Variants in EHD4 observed in about 807,000 individuals in gnomAD.
EHD4 encodes EH domain containing 4, also known as EH domain-containing protein 4.
A neutral mutation model predicts 51.0 loss-of-function variants in EHD4; 37 were observed. That is an observed-to-expected ratio of 0.73 (90% CI 0.56 to 0.95). The LOEUF (loss-of-function observed/expected upper bound fraction) is 0.95, where lower values mean the gene tolerates loss of function less well. Among genes scored for constraint, EHD4 ranks in the 40% least tolerant of loss-of-function variants. The pLI is 0.00. For missense variants in EHD4, 632 were observed against 733.1 expected, an observed-to-expected ratio of 0.86 and a Z score of 1.59; for synonymous variants, 297 against 317.3, an observed-to-expected ratio of 0.94 and a Z score of 0.68.
intron 4 of EHD4, among the ~76,000 whole-genome samples, chr15:41,914,794 T>C (rs917659621): frequency 3.3e-5 from 5 of 151,468 alleles, no homozygotes; most frequent in African/African-American, 1.2e-4. Context: ...AATTTTTTTT[T>C]TTTTTTTTTG....
At position 41,962,660 on chromosome 15, in the gene EHD4, G is replaced by GCCC. The variant is rs2067932326; in HGVS notation, c.237-8721_237-8720insGGG. On this transcript the variant is annotated intron_variant, in intron 1 of 5. Coordinates refer to ENST00000220325, the MANE Select transcript of EHD4 (RefSeq NM_139265.4). ...AAAAGAGCGCCCGGCCAGCCGCCCC[G>GCCC]TCCGGGAGGGAGGCGGGGGGCAGCC... 5.9e-5 allele frequency among the ~76,000 whole-genome samples: 9 copies of GCCC among 152,008 alleles called. No individual in the cohort carries two copies. The South Asian group carries it at 1.9e-3, about 32-fold the overall frequency.
chr15:41,935,587 T>C (rs2067726608), intron 3 of EHD4, among the ~76,000 whole-genome samples: 1 of 152,176 alleles, frequency 6.6e-6, no homozygotes, highest in Non-Finnish European at 1.5e-5. Flanking sequence ...CATTTTCTCA[T>C]GGGGTTTGCT....
chr15:41,957,420 C>G (rs2067894879), intron 1 of EHD4, among the ~76,000 whole-genome samples: 1 of 152,096 alleles, frequency 6.6e-6, no homozygotes, highest in African/African-American at 2.4e-5. Flanking sequence ...GGGCCTGTTT[C>G]CTCTCCTCTC....
rs780627336 is a variant in EHD4 at position 41,909,798 on chromosome 15, C to G, written c.990G>C (p.Lys330Asn). Residue 330 changes from lysine (K) to asparagine (N), a missense_variant, in exon 5 of 6, where the codon AAG becomes AAC. By Grantham distance (94) the Lys-to-Asn change is moderately conservative. Coordinates refer to ENST00000220325, the MANE Select transcript of EHD4 (RefSeq NM_139265.4). ...EMPSVFGKEN[K>N]KRELISRLPE... is the part of the protein sequence containing the mutation. ...GTAGCCTGCTGATAAGCTCTCTCTT[C>G]TTGTTTTCCTTTCCAAATACACTTG... 1.9e-6 allele frequency: 3 copies of G among 1,614,228 alleles called. No homozygotes were observed. Among genetic ancestry groups the G allele is most frequent in the Non-Finnish European group, 1.7e-6 (2 of 1,180,048 alleles).
At chr15:41,946,338 G>A (rs1409732830) in intron 2 of EHD4, among the ~76,000 whole-genome samples, 6 of 152,122 alleles carry the variant, frequency 3.9e-5, no homozygotes, top group Admixed American at 6.5e-5. Context: ...TCCTCTCCAC[G>A]TCTAAGGAAG....
rs2067535939 is a variant in EHD4, at chr15:41,909,698, C to T, written c.1089+1G>A. The T allele has an allele frequency of 6.2e-7, 1 of 1,614,040 alleles. No individual in the cohort carries two copies. The highest frequency in any genetic ancestry group is 8.5e-7 in the Non-Finnish European group (1 of 1,180,018). On this transcript the variant is annotated splice_donor_variant, in intron 5 of 5. Coordinates refer to ENST00000220325, the MANE Select transcript of EHD4 (RefSeq NM_139265.4). LOFTEE classifies it high-confidence loss of function. ...GTGACATTGTAGTGGGCTCCCAGTA[C>T]CTGCATAGCCTTGACCTCAGGGAAG...
intron 5 of EHD4, among the ~76,000 whole-genome samples, chr15:41,903,747 G>T (rs995866345): frequency 2.6e-5 from 4 of 152,066 alleles, no homozygotes; most frequent in African/African-American, 9.7e-5. Context: ...TAGTTGGTGG[G>T]GGGACAGAGC....
At chr15:41,919,853 G>C (rs2067613350) in intron 3 of EHD4, among the ~76,000 whole-genome samples, 1 of 152,188 alleles carries the variant, frequency 6.6e-6, no homozygotes, top group Admixed American at 6.5e-5. Flanking sequence ...GGGGCTCATG[G>C]TCACTTTGGG....
chr15:41,931,866 A>G (rs12911456), intron 3 of EHD4, among the ~76,000 whole-genome samples: 3 of 151,970 alleles, frequency 2.0e-5, no homozygotes, highest in Admixed American at 6.6e-5. Flanking sequence ...TAGTAGAGAC[A>G]GGGTTTCACC....
rs1015540703 is a variant in EHD4 at position 41,900,316 on chromosome 15, C to T, written c.*329G>A. 4 of 323,996 alleles carry T rather than the reference C, an allele frequency of 1.2e-5. No homozygotes were observed. The highest frequency in any genetic ancestry group is 8.5e-5 in the African/African-American group (4 of 47,160). The allele number at this position is 323,996 out of a possible 1,614,324, so 20.1% of individuals were successfully genotyped here. A position where few individuals can be genotyped will look rare whatever the true frequency, so the allele number is the denominator to read the frequency against. Reference sequence around the variant, plus strand: ...GCTGCTCTGGGTGAGCCTTAGCTCACTTCCTGTGGTTCCTGGGACTTACCA... The same window carrying T: ...GCTGCTCTGGGTGAGCCTTAGCTCATTTCCTGTGGTTCCTGGGACTTACCA... On this transcript the variant is annotated 3_prime_UTR_variant, in exon 6 of 6. Transcript: ENST00000220325. This position sits in a 1 kb window ranked among gnomAD's most constrained non-coding sequence, Gnocchi z 4.8.
intron 4 of EHD4, among the ~76,000 whole-genome samples, chr15:41,914,323 AT>A (rs1186275348): frequency 1.3e-5 from 2 of 151,610 alleles, no homozygotes; most frequent in African/African-American, 2.4e-5. Context: ...TGCATAGAGT[AT>A]TTAAAGCCAG....
chr15:41,964,946 A>AT (rs955273531), intron 1 of EHD4, among the ~76,000 whole-genome samples: 9 of 149,762 alleles, frequency 6.0e-5, no homozygotes, highest in Non-Finnish European at 1.2e-4. Context: ...TAATTTTTGT[A>AT]TTTTTTTTTA....
At position 41,900,798 on chromosome 15, in the gene EHD4, G is replaced by A. The variant is rs138964472; in HGVS notation, c.1473C>T (p.Ala491=). 4.1e-4 allele frequency: 658 copies of A among 1,614,128 alleles called. 5 individuals are homozygous for A. In the East Asian group the frequency reaches 0.014, roughly 34 times the overall value. Residue 491 remains alanine, a synonymous_variant, in exon 6 of 6, where the codon GCC becomes GCT. Transcript: ENST00000220325. The surrounding 1 kb of genome is among the most constrained non-coding windows in gnomAD (Gnocchi z 4.8). ...CAAGCATGCCGTCGCAGTCGCAGTCGGCCAGCTTCCAGATCTTGCCCAGGA... is the reference window on the plus strand; with the variant it reads ...CAAGCATGCCGTCGCAGTCGCAGTCAGCCAGCTTCCAGATCTTGCCCAGGA... ...NSVLGKIWKL[A]DCDCDGMLDE... is the part of the protein sequence containing the mutation.
chr15:41,900,698 G>A lies in EHD4; in HGVS notation c.1573C>T (p.Pro525Ser). The change falls in exon 6 of 6, where the codon CCC becomes TCC. Residue 525 changes from proline (P) to serine (S), a missense_variant. By Grantham distance (74) the Pro-to-Ser change is moderately conservative (BLOSUM62 -1). Coordinates refer to ENST00000220325, the MANE Select transcript of EHD4 (RefSeq NM_139265.4). The surrounding 1 kb of genome is among the most constrained non-coding windows in gnomAD (Gnocchi z 4.8). ...LDGYELPSSLPPHLVPPSHRK... is the reference protein window; with the variant it reads ...LDGYELPSSLSPHLVPPSHRK... ...TGCGAGGGGGGCACGAGGTGGGGGGGCAGGCTGCTGGGCAGCTCGTAGCCG... is the reference window on the plus strand; with the variant it reads ...TGCGAGGGGGGCACGAGGTGGGGGGACAGGCTGCTGGGCAGCTCGTAGCCG... The A allele has an allele frequency of 6.2e-7, 1 of 1,606,686 alleles. No homozygotes were observed.
At position 41,899,174 on chromosome 15, in the gene EHD4, C is replaced by T. The variant is rs2140979428; in HGVS notation, c.*1471G>A. On this transcript the variant is annotated 3_prime_UTR_variant, in exon 6 of 6. Transcript: ENST00000220325. ...CCATGTGGCCATTGCTGTTTCGTGTCTCTTCCTGCATAAATAATGCAGAGA... is the reference window on the plus strand; with the variant it reads ...CCATGTGGCCATTGCTGTTTCGTGTTTCTTCCTGCATAAATAATGCAGAGA... 6.6e-6 allele frequency: 1 copy of T among 152,296 alleles called. No individual in the cohort carries two copies. The highest frequency in any genetic ancestry group is 2.4e-5 in the African/African-American group (1 of 41,554). The allele number at this position is 152,296 out of a possible 1,614,324, so 9.4% of individuals were successfully genotyped here. A position where few individuals can be genotyped will look rare whatever the true frequency, so the allele number is the denominator to read the frequency against.
intron 3 of EHD4, among the ~76,000 whole-genome samples, chr15:41,936,885 C>T (rs1340749075): frequency 6.6e-6 from 1 of 152,190 alleles, no homozygotes; most frequent in East Asian, 1.9e-4. Context: ...ATCAGGATTT[C>T]CTGCTAGAGG....
rs1043557941 is a variant in EHD4 at position 41,913,190 on chromosome 15, T to C, written c.925-3327A>G. On this transcript the variant is annotated intron_variant, in intron 4 of 5. Coordinates refer to ENST00000220325, the MANE Select transcript of EHD4 (RefSeq NM_139265.4). The stretch of plus-strand genomic sequence containing the variant: ...CTGCTGGCAGGATGGCATCCTGTCA[T>C]TTTCTAAAGTCTTCTGGTAAACAGA... 4.6e-5 allele frequency among the ~76,000 whole-genome samples: 7 copies of C among 152,148 alleles called. No homozygotes were observed. The East Asian group carries it at 1.3e-3, about 29-fold the overall frequency.
intron 4 of EHD4, among the ~76,000 whole-genome samples, chr15:41,915,903 T>A (rs532767404): frequency 6.6e-6 from 1 of 152,222 alleles, no homozygotes; most frequent in South Asian, 2.1e-4. Context: ...GTGAAAAAAA[T>A]ATACAAACAG....
At chr15:41,965,782 T>C (rs1271183448) in intron 1 of EHD4, among the ~76,000 whole-genome samples, 1 of 152,176 alleles carries the variant, frequency 6.6e-6, no homozygotes, top group East Asian at 1.9e-4. Flanking sequence ...GGGAAGATAA[T>C]GTCAGGATGG....
Sources: gnomAD v4.1 joint callset for allele counts (sites outside exome capture counted in the v4.1 genomes callset) on GRCh38, gnomAD v4.1.1 for gene constraint, Gnocchi (gnomAD v3.1) non-coding constraint, MANE v1.5 for transcripts, NCBI Gene and HGNC (gene_info 2026-07-23, HGNC 2026-07-21) for gene names.